The following CNTNAP3B variants were observed in gnomAD, a reference collection of about 807,000 sequenced individuals.
The protein encoded by CNTNAP3B is contactin associated protein family member 3B.
CNTNAP3B carries 25 observed loss-of-function variants against 108.9 expected under a neutral mutation model. That is an observed-to-expected ratio of 0.23 (90% confidence interval 0.17 to 0.32). CNTNAP3B has a LOEUF of 0.32. Ranked by LOEUF, CNTNAP3B falls within the 10% of genes least tolerant of loss-of-function variation. The pLI is 1.00. For synonymous variants in CNTNAP3B, 103 were observed against 473.4 expected, an observed-to-expected ratio of 0.22 and a Z score of 10.16; for missense variants, 252 against 1,210.4, an observed-to-expected ratio of 0.21 and a Z score of 11.75.
intron 13 of CNTNAP3B, among the ~76,000 whole-genome samples, chr9:41,939,801 G>A (rs1286269181): frequency 4.6e-5 from 7 of 152,334 alleles, no homozygotes; most frequent in East Asian, 1.9e-4. Flanking sequence ...ACAAAAAGAT[G>A]TAAGTGGGTG....
At chr9:41,966,133 C>CCACCCT (rs1312882177) in intron 10 of CNTNAP3B, among the ~76,000 whole-genome samples, 69 of 152,346 alleles carry the variant, frequency 4.5e-4, no homozygotes, top group African/African-American at 1.7e-3. Context: ...GGGTGGGGGC[C>CCACCCT]CACCCTCATA....
rs1403145189 is a variant in CNTNAP3B at position 42,097,471 on chromosome 9, A to G, written c.196+7158T>C. 5.0e-5 allele frequency among the ~76,000 whole-genome samples: 7 copies of G among 140,082 alleles called. 1 individual carries two copies. Among genetic ancestry groups the G allele is most frequent in the Admixed American group, 5.0e-4 (7 of 14,116 alleles). The allele number at this position is 140,082 out of a possible 152,430, so 91.9% of individuals were successfully genotyped here. On this transcript the variant is annotated intron_variant, in intron 2 of 23. Transcript: ENST00000377561. ...GATTGTGAAATTTGTATTTGTTACT[A>G]TCTTTGTTTTTATACCTCAAAGAAC...
chr9:42,119,141 C>T (rs1828397083), intron 1 of CNTNAP3B, among the ~76,000 whole-genome samples: 1 of 83,944 alleles, frequency 1.2e-5, no homozygotes, highest in Non-Finnish European at 2.3e-5. Context: ...TGATTTGATA[C>T]AAAATCAATG....
At chr9:41,960,487 G>T (rs1380200852) in intron 12 of CNTNAP3B, among the ~76,000 whole-genome samples, 2 of 152,114 alleles carry the variant, frequency 1.3e-5, no homozygotes, top group East Asian at 3.8e-4. Flanking sequence ...GTAAATCACC[G>T]AATCAGAGGT....
chr9:41,915,819 A>T (rs1217654095), intron 18 of CNTNAP3B, among the ~76,000 whole-genome samples: 3 of 151,038 alleles, frequency 2.0e-5, no homozygotes, highest in Non-Finnish European at 4.4e-5. Context: ...CCACTCCTGA[A>T]ATCCTGGGAT....
intron 1 of CNTNAP3B, among the ~76,000 whole-genome samples, chr9:42,112,861 T>C (rs1202895634): frequency 1.7e-5 from 2 of 114,682 alleles, no homozygotes; most frequent in Non-Finnish European, 3.6e-5. Context: ...AGAGGAAAGT[T>C]TACAGAGTTT....
chr9:42,035,751 G>A (rs1201126019), intron 3 of CNTNAP3B, among the ~76,000 whole-genome samples: 1 of 150,866 alleles, frequency 6.6e-6, no homozygotes, highest in African/African-American at 2.5e-5. Flanking sequence ...TTGAACTCCT[G>A]GGCTTAAGCT....
chr9:41,952,283 GT>G (rs1166843712), intron 13 of CNTNAP3B, among the ~76,000 whole-genome samples: 1 of 152,132 alleles, frequency 6.6e-6, no homozygotes, highest in Non-Finnish European at 1.5e-5. Context: ...CACTGTTTTT[GT>G]TTTTTTAAGA....
intron 1 of CNTNAP3B, among the ~76,000 whole-genome samples, chr9:42,124,188 C>T (rs1226322956): frequency 7.4e-6 from 1 of 135,572 alleles, no homozygotes; most frequent in Non-Finnish European, 1.6e-5. Flanking sequence ...ATTTCAATCA[C>T]TCTTCGTATT....
chr9:42,064,746 G>A (rs945652624), intron 3 of CNTNAP3B, among the ~76,000 whole-genome samples: 1 of 134,988 alleles, frequency 7.4e-6, no homozygotes, highest in South Asian at 2.4e-4. Flanking sequence ...TGGGATAATG[G>A]CCCCCAACTG....
chr9:41,955,666 G>A (rs908807158), intron 12 of CNTNAP3B, among the ~76,000 whole-genome samples: 1 of 152,288 alleles, frequency 6.6e-6, no homozygotes, highest in African/African-American at 2.4e-5. Context: ...TTATAACAGT[G>A]GCTAAATGTG....
intron 18 of CNTNAP3B, among the ~76,000 whole-genome samples, chr9:41,915,674 T>C (rs1823497092): frequency 6.8e-6 from 1 of 145,998 alleles, no homozygotes; most frequent in South Asian, 2.2e-4. Flanking sequence ...GTGTTTTTGT[T>C]TTTCAATCAT....
chr9:42,122,766 C>A (rs1291177110), intron 1 of CNTNAP3B, among the ~76,000 whole-genome samples: 2 of 133,488 alleles, frequency 1.5e-5, no homozygotes, highest in Admixed American at 1.5e-4. Flanking sequence ...TTATCTGCCA[C>A]AACAGAAGCT....
chr9:42,076,443 A>AAC (rs373712677), intron 3 of CNTNAP3B, among the ~76,000 whole-genome samples: 52 of 96,738 alleles, frequency 5.4e-4, no homozygotes, highest in African/African-American at 8.5e-4. Context: ...AAAAAAAAAA[A>AAC]AACAAGAAAA....
At chr9:41,975,120 C>T (rs1564165041) in intron 9 of CNTNAP3B, 1 of 181,130 alleles carries the variant, frequency 5.5e-6, no homozygotes, top group South Asian at 8.4e-5. Flanking sequence ...AGGCTGGGGC[C>T]TCGGGGAGCA....
chr9:41,967,978 T>G (rs559894959), intron 10 of CNTNAP3B, among the ~76,000 whole-genome samples: 1 of 152,370 alleles, frequency 6.6e-6, no homozygotes, highest in Non-Finnish European at 1.5e-5. Context: ...GAGGCCTTTT[T>G]AAAATGTGGG....
intron 14 of CNTNAP3B, among the ~76,000 whole-genome samples, chr9:41,933,323 C>A (rs62536544): frequency 1.4e-5 from 2 of 144,416 alleles, no homozygotes; most frequent in South Asian, 2.2e-4. Context: ...TGTGTGATGA[C>A]AAAAATGTCT....
intron 2 of CNTNAP3B, among the ~76,000 whole-genome samples, chr9:42,086,445 A>ATTT (rs375075606): frequency 1.4e-4 from 17 of 124,772 alleles, no homozygotes; most frequent in East Asian, 1.2e-3. Context: ...TTTTTTTTAC[A>ATTT]TTTTTTTTTA....
intron 3 of CNTNAP3B, among the ~76,000 whole-genome samples, chr9:42,020,443 T>C (rs1826292110): frequency 6.7e-6 from 1 of 149,826 alleles, no homozygotes; most frequent in Non-Finnish European, 1.5e-5. Flanking sequence ...ATTTCCTGTG[T>C]GAGATCGATC....
Sources: allele counts gnomAD v4.1 joint callset (sites outside exome capture counted in the v4.1 genomes callset), GRCh38; gene constraint gnomAD v4.1.1; transcripts MANE v1.5; gene names NCBI Gene and HGNC (gene_info 2026-07-23, HGNC 2026-07-21).